EIF3L: variants seen among roughly 807,000 people sequenced by gnomAD.
The protein encoded by EIF3L is eukaryotic translation initiation factor 3 subunit L.
In EIF3L, 32 loss-of-function variants were observed where a neutral mutation model predicts 74.6. The ratio of observed to expected loss-of-function variants is 0.43; its 90% confidence interval spans 0.32 to 0.58. The LOEUF is 0.58. Among genes scored for constraint, EIF3L ranks in the 20% least tolerant of loss-of-function variants. EIF3L has a pLI of 0.06. For synonymous variants in EIF3L, 256 were observed against 254.4 expected, an observed-to-expected ratio of 1.01 and a Z score of -0.06; for missense variants, 474 against 707.8, an observed-to-expected ratio of 0.67 and a Z score of 3.75.
intron 5 of EIF3L, among the ~76,000 whole-genome samples, chr22:37,861,987 G>T (rs1281531000): frequency 6.6e-6 from 1 of 152,184 alleles, no homozygotes; most frequent in Admixed American, 6.6e-5. Context: ...TGTGCTTAAT[G>T]TATTAAGCAC....
Position 37,878,137 on chromosome 22 carries a change from A to C in EIF3L, c.1541A>C (p.Gln514Pro). 6.2e-7 allele frequency: 1 copy of C among 1,612,998 alleles called. No individual in the cohort carries two copies. Among genetic ancestry groups the C allele is most frequent in the Non-Finnish European group, 8.5e-7 (1 of 1,179,312 alleles). ...ATCTCAGCCCTGGATGGTGAATTTC[A>C]GTCAGCCTCAGAGGTTGACTTCTAC... Reference protein sequence around the residue: ...SGISALDGEFQSASEVDFYID... With the variant: ...SGISALDGEFPSASEVDFYID... Residue 514 changes from glutamine (Q) to proline (P), a missense_variant, in exon 11 of 13, where the codon CAG becomes CCG. Transcript: ENST00000652021.
chr22:37,862,909 A>G (rs1925935681), intron 5 of EIF3L, 60 bp from the exon 6 acceptor site: 3 of 1,290,828 alleles, frequency 2.3e-6, no homozygotes, highest in Admixed American at 1.9e-5. Flanking sequence ...ACAGTATACC[A>G]TGGGTAAAAC....
intron 7 of EIF3L, among the ~76,000 whole-genome samples, chr22:37,867,582 G>A (rs1401741037): frequency 6.7e-6 from 1 of 149,362 alleles, no homozygotes; most frequent in South Asian, 2.1e-4. Context: ...CACTTGAACC[G>A]AGAGGCAGAG....
intron 11 of EIF3L, chr22:37,878,417 TA>T (rs34181613): frequency 0.33 from 47,340 of 143,060 alleles, 7,816 homozygotes; most frequent in Non-Finnish European, 0.39. Flanking sequence ...TTTTCTCTAT[TA>T]AAAAAAAAAA....
intron 11 of EIF3L, chr22:37,882,276 CAG>C (rs1456836451): frequency 1.3e-5 from 2 of 152,132 alleles, no homozygotes; most frequent in South Asian, 2.1e-4. Context: ...CACCGCATTC[CAG>C]CCTTTGTGAC....
intron 5 of EIF3L, among the ~76,000 whole-genome samples, chr22:37,860,741 C>G (rs889538882): frequency 6.6e-6 from 1 of 152,190 alleles, no homozygotes; most frequent in Admixed American, 6.5e-5. Flanking sequence ...AAGTCATTAT[C>G]ATCTCTTCCC....
chr22:37,864,233 C>T (rs147348681), intron 7 of EIF3L, among the ~76,000 whole-genome samples: 56 of 152,250 alleles, frequency 3.7e-4, no homozygotes, highest in Non-Finnish European at 5.6e-4. Flanking sequence ...ATTTATATTA[C>T]TGTAGAGACG....
chr22:37,884,848 A>G (rs1409287970), intron 11 of EIF3L: 3 of 149,852 alleles, frequency 2.0e-5, no homozygotes, highest in Non-Finnish European at 4.4e-5. Flanking sequence ...AAATAAATAT[A>G]TAAATAAATA....
chr22:37,882,133 C>CCTG (rs1488121739), intron 11 of EIF3L: 1 of 151,852 alleles, frequency 6.6e-6, no homozygotes, highest in African/African-American at 2.4e-5. Context: ...ATGGTGAAAC[C>CCTG]CTGTCTCTAC....
At position 37,888,658 on chromosome 22, in the gene EIF3L, A is replaced by G; in HGVS notation, c.*194A>G. Reference sequence around the variant, plus strand: ...TTGTCGTCTCATTATTGTAGGAGAGAATTTGTGGGTTGTGGCAGTAATACA... The same window carrying G: ...TTGTCGTCTCATTATTGTAGGAGAGGATTTGTGGGTTGTGGCAGTAATACA... On this transcript the variant is annotated 3_prime_UTR_variant, in exon 13 of 13. Coordinates refer to ENST00000652021, the MANE Select transcript of EIF3L (RefSeq NM_016091.4). 1.7e-6 allele frequency: 1 copy of G among 599,888 alleles called. No homozygotes were observed. Among genetic ancestry groups the G allele is most frequent in the African/African-American group, 1.9e-5 (1 of 54,010 alleles). The allele number at this position is 599,888 out of a possible 1,614,324, so 37.2% of individuals were successfully genotyped here.
chr22:37,887,053 C>T lies in EIF3L; in HGVS notation c.1656+208C>T, dbSNP rs1339718065. On this transcript the variant is annotated intron_variant, in intron 12 of 12. Coordinates refer to ENST00000652021, the MANE Select transcript of EIF3L (RefSeq NM_016091.4). ...AAGCGAGTCTCCCTCCTCAGCCTCC[C>T]GCATAGCTGGAATTACAGGTGTGTG... 11 of 380,314 alleles carry T rather than the reference C, an allele frequency of 2.9e-5. No homozygotes were observed. The East Asian group carries it at 4.1e-4, about 14-fold the overall frequency. 23.6% of individuals were successfully genotyped at this position (380,314 alleles called of 1,614,324 possible). A position where few individuals can be genotyped will look rare whatever the true frequency, so the allele number is the denominator to read the frequency against.
chr22:37,871,650 C>G (rs191930200), intron 8 of EIF3L, among the ~76,000 whole-genome samples: 7 of 152,082 alleles, frequency 4.6e-5, no homozygotes, highest in Non-Finnish European at 1.0e-4. Context: ...GGCAGATCAC[C>G]TGAGGTCAGG....
chr22:37,869,847 G>A (rs551076997), intron 7 of EIF3L, among the ~76,000 whole-genome samples: 5 of 152,104 alleles, frequency 3.3e-5, no homozygotes, highest in Non-Finnish European at 5.9e-5. Flanking sequence ...CTGGTGGCCC[G>A]GTCAACTGCA....
intron 11 of EIF3L, chr22:37,885,306 A>G (rs1601786626): frequency 6.6e-6 from 1 of 151,996 alleles, no homozygotes; most frequent in African/African-American, 2.4e-5. Flanking sequence ...CCTCTTAATT[A>G]CCAGCCTAGC....
chr22:37,855,523 C>G, intron 3 of EIF3L, 42 bp from the exon 4 acceptor site: 1 of 1,564,208 alleles, frequency 6.4e-7, no homozygotes. Context: ...TGGCATTCTC[C>G]AGTCCTTTTG....
At chr22:37,884,069 C>G (rs1298374051) in intron 11 of EIF3L, 1 of 152,202 alleles carries the variant, frequency 6.6e-6, no homozygotes, top group Non-Finnish European at 1.5e-5. Context: ...TCGCAGTTCC[C>G]CAGTTCCCCC....
At chr22:37,849,874 G>A (rs530286853) in intron 1 of EIF3L, 141 bp from the exon 2 acceptor site, 1 of 840,888 alleles carries the variant, frequency 1.2e-6, no homozygotes, top group East Asian at 2.4e-5. Context: ...TTTCTCTAAG[G>A]CGTGTGAGTT....
Position 37,877,934 on chromosome 22 carries a change from G to C in EIF3L, c.1338G>C (p.Val446=). ...AGCCCTTCCTGCAGCAGCTGAAGGT[G>C]TTTTCTGATGAAGTACAGCAGCAGG... ...HKEPFLQQLK[V]FSDEVQQQAQ... Residue 446 remains valine (V), a synonymous_variant, in exon 11 of 13, where the codon GTG becomes GTC. Coordinates refer to ENST00000652021, the MANE Select transcript of EIF3L (RefSeq NM_016091.4). 6.2e-7 allele frequency: 1 copy of C among 1,612,596 alleles called. No individual in the cohort carries two copies. Among genetic ancestry groups the C allele is most frequent in the Non-Finnish European group, 8.5e-7 (1 of 1,179,868 alleles).
intron 4 of EIF3L, among the ~76,000 whole-genome samples, chr22:37,857,295 G>A (rs973003492): frequency 1.3e-5 from 2 of 149,764 alleles, no homozygotes; most frequent in Non-Finnish European, 3.0e-5. Flanking sequence ...GCGTGAACCC[G>A]GGAGGCAGAA....
Sources: gnomAD v4.1 joint callset for allele counts (sites outside exome capture counted in the v4.1 genomes callset) on GRCh38, gnomAD v4.1.1 for gene constraint, MANE v1.5 for transcripts, NCBI Gene and HGNC (gene_info 2026-07-23, HGNC 2026-07-21) for gene names.